Variants in DPP6 observed in about 807,000 individuals in gnomAD.
The protein encoded by DPP6 is A-type potassium channel modulatory protein DPP6.
In DPP6, 69 loss-of-function variants were observed where a neutral mutation model predicts 122.6. That is an observed-to-expected ratio of 0.56 (90% CI 0.46 to 0.69). The LOEUF (loss-of-function observed/expected upper bound fraction) is 0.69. DPP6 is among the 30% of genes least tolerant of loss of function. The pLI is 0.00. For missense variants in DPP6, 928 were observed against 1,116.9 expected (o/e 0.83, Z 2.41); for synonymous variants, 418 against 433.1 (o/e 0.97, Z 0.43).
the DPP6 span, among the ~76,000 whole-genome samples, chr7:153,818,451 T>C: frequency 1.3e-5 from 2 of 151,976 alleles, no homozygotes; most frequent in Non-Finnish European, 1.5e-5. Flanking sequence ...ATAAATGCAT[T>C]AGTGGAAGGA....
Position 154,204,582 on chromosome 7 carries a change from G to A in DPP6, c.243+151519G>A, listed in dbSNP as rs1799335674. On this transcript the variant is annotated intron_variant, in intron 1 of 25. Transcript: ENST00000377770. ...CGGCAAACCTGAGACTCATTGGAAG[G>A]GACGCTGCTCAGACCTGCGAGCCCC... Among the ~76,000 whole-genome samples the A allele has an allele frequency of 2.6e-5, 4 of 152,154 alleles. No individual in the cohort carries two copies. The South Asian group carries it at 8.3e-4, about 32-fold the overall frequency.
the DPP6 span, among the ~76,000 whole-genome samples, chr7:153,793,862 G>A: frequency 1.3e-5 from 2 of 152,238 alleles, no homozygotes; most frequent in Admixed American, 1.3e-4. Flanking sequence ...AGGGGCCAAT[G>A]TAGAACTCGG....
intron 1 of DPP6, among the ~76,000 whole-genome samples, chr7:153,894,954 A>G (rs1799346175): frequency 6.6e-6 from 1 of 152,198 alleles, no homozygotes; most frequent in Admixed American, 6.5e-5. Flanking sequence ...AAAGATGGGC[A>G]GAGAACACAG....
the DPP6 span, among the ~76,000 whole-genome samples, chr7:153,803,162 A>G: frequency 6.6e-6 from 1 of 151,256 alleles, no homozygotes; most frequent in African/African-American, 2.4e-5. Context: ...GGGCGTCCCA[A>G]TGTTCTTCTA....
At chr7:154,206,492 A>G (rs957689358) in intron 1 of DPP6, among the ~76,000 whole-genome samples, 5 of 152,174 alleles carry the variant, frequency 3.3e-5, no homozygotes, top group African/African-American at 9.7e-5. Context: ...CAGCTCGCAA[A>G]GCAACCTTTT....
chr7:154,061,204 C>T (rs1483832558), intron 1 of DPP6, among the ~76,000 whole-genome samples: 3 of 149,268 alleles, frequency 2.0e-5, no homozygotes, highest in Non-Finnish European at 4.5e-5. Context: ...ATTAGCCAAG[C>T]CTTTGTATGA....
the DPP6 span, among the ~76,000 whole-genome samples, chr7:153,823,736 C>T: frequency 2.0e-5 from 3 of 151,980 alleles, no homozygotes; most frequent in African/African-American, 7.3e-5. Flanking sequence ...TGACTATTTA[C>T]AGTCGTTGAA....
At chr7:154,748,231 G>A (rs1587009891) in intron 8 of DPP6, among the ~76,000 whole-genome samples, 1 of 152,204 alleles carries the variant, frequency 6.6e-6, no homozygotes, top group Non-Finnish European at 1.5e-5. Flanking sequence ...GAGTCGGCTT[G>A]CTCCTCTCCA....
At chr7:154,696,748 A>G (rs942493352) in intron 7 of DPP6, among the ~76,000 whole-genome samples, 2 of 152,210 alleles carry the variant, frequency 1.3e-5, no homozygotes, top group South Asian at 2.1e-4. Context: ...GACTCATACT[A>G]TGCGTGATGC....
At chr7:154,256,551 A>T (rs1046135980) in intron 1 of DPP6, among the ~76,000 whole-genome samples, 4 of 152,216 alleles carry the variant, frequency 2.6e-5, no homozygotes, top group African/African-American at 7.2e-5. Flanking sequence ...TAGCCTCCAA[A>T]TTATGAACAG....
At chr7:154,842,337 A>G (rs1358238100) in intron 16 of DPP6, among the ~76,000 whole-genome samples, 1 of 152,242 alleles carries the variant, frequency 6.6e-6, no homozygotes, top group Non-Finnish European at 1.5e-5. Flanking sequence ...AGACGAGAGG[A>G]AGGGAGACAA....
chr7:153,805,840 T>C, the DPP6 span, among the ~76,000 whole-genome samples: 2 of 151,588 alleles, frequency 1.3e-5, no homozygotes, highest in African/African-American at 4.9e-5. Flanking sequence ...CATCACACAC[T>C]GGGGCCTGTC....
intron 6 of DPP6, among the ~76,000 whole-genome samples, chr7:154,644,685 G>A (rs1836326915): frequency 6.7e-6 from 1 of 149,770 alleles, no homozygotes; most frequent in Non-Finnish European, 1.5e-5. Flanking sequence ...AAGCAAAAAT[G>A]CAGAAGAAAT....
At chr7:154,544,734 A>T (rs1425946561) in intron 4 of DPP6, among the ~76,000 whole-genome samples, 1 of 152,184 alleles carries the variant, frequency 6.6e-6, no homozygotes, top group Non-Finnish European at 1.5e-5. Flanking sequence ...GTGTCGTAGG[A>T]CTGAATTACA....
At position 154,481,862 on chromosome 7, in the gene DPP6, A is replaced by G. The variant is rs1823332723; in HGVS notation, c.457+6825A>G. On this transcript the variant is annotated intron_variant, in intron 3 of 25. Coordinates refer to ENST00000377770, the MANE Select transcript of DPP6 (RefSeq NM_130797.4). This position sits in a 1 kb window ranked among gnomAD's most constrained non-coding sequence, Gnocchi z 4.2. ...TCCTGCACTGACCCTTTTGTTACAT[A>G]GGTTAAGTATAATTATTTATGAATG... 6.6e-6 allele frequency among the ~76,000 whole-genome samples: 1 copy of G among 152,128 alleles called. No homozygotes were observed. Among genetic ancestry groups the G allele is most frequent in the Non-Finnish European group, 1.5e-5 (1 of 68,034 alleles).
At chr7:153,957,936 G>T (rs555249244) in intron 1 of DPP6, among the ~76,000 whole-genome samples, 1 of 152,254 alleles carries the variant, frequency 6.6e-6, no homozygotes, top group South Asian at 2.1e-4. Flanking sequence ...GGCCAAGGTG[G>T]GTGGATCACC....
At position 154,299,381 on chromosome 7, in the gene DPP6, T is replaced by C. The variant is rs1435666604; in HGVS notation, c.244-146833T>C. The stretch of plus-strand genomic sequence containing the variant: ...CTCAGTGGGAGCTGGAGAGTTCTAG[T>C]TGAAATGTCTGAGGTGACAGTGAGC... On this transcript the variant is annotated intron_variant, in intron 1 of 25. Transcript: ENST00000377770. Among the ~76,000 whole-genome samples, 3 of 152,204 alleles carry C rather than the reference T, an allele frequency of 2.0e-5. No homozygotes were observed. The East Asian group carries it at 5.8e-4, about 29-fold the overall frequency.
At chr7:154,802,065 G>T (rs1798400979) in intron 13 of DPP6, among the ~76,000 whole-genome samples, 1 of 152,094 alleles carries the variant, frequency 6.6e-6, no homozygotes, top group African/African-American at 2.4e-5. Context: ...TCACCTCAGG[G>T]AGCCTCACGC....
At chr7:154,639,003 G>A (rs12113451) in intron 6 of DPP6, among the ~76,000 whole-genome samples, 2,290 of 152,278 alleles carry the variant, frequency 0.015, 59 homozygotes, top group African/African-American at 0.052. Context: ...GAATATCTAG[G>A]TTGAGGCATC....
Sources: gnomAD v4.1 joint callset for allele counts (sites outside exome capture counted in the v4.1 genomes callset) on GRCh38, gnomAD v4.1.1 for gene constraint, Gnocchi (gnomAD v3.1) non-coding constraint, MANE v1.5 for transcripts, NCBI Gene and HGNC (gene_info 2026-07-23, HGNC 2026-07-21) for gene names.